SFXN5: variants seen among roughly 807,000 people sequenced by gnomAD.
SFXN5 encodes sideroflexin-5.
In SFXN5, 43 loss-of-function variants were observed where a neutral mutation model predicts 50.2. The ratio of observed to expected loss-of-function variants is 0.86; its 90% CI spans 0.67 to 1.11. The LOEUF (loss-of-function observed/expected upper bound fraction) is 1.11. Ranked by LOEUF, SFXN5 falls within the 50% of genes least tolerant of loss-of-function variation. The pLI, the probability that SFXN5 is intolerant of heterozygous loss-of-function variation, is 0.00. For synonymous variants in SFXN5, 203 were observed against 185.8 expected, an observed-to-expected ratio of 1.09 and a Z score of -0.75; for missense variants, 463 against 454.1, an observed-to-expected ratio of 1.02 and a Z score of -0.18.
chr2:72,999,739 C>G (rs369448465), intron 8 of SFXN5, among the ~76,000 whole-genome samples: 3 of 152,144 alleles, frequency 2.0e-5, no homozygotes, highest in East Asian at 1.9e-4. Flanking sequence ...CTCCTCTCCC[C>G]CAAGGTGAGC....
chr2:72,986,242 G>A (rs1056953320), intron 10 of SFXN5, among the ~76,000 whole-genome samples: 1 of 152,248 alleles, frequency 6.6e-6, no homozygotes, highest in African/African-American at 2.4e-5. Flanking sequence ...CAGGTGGCTG[G>A]TTCTCGGAAT....
chr2:73,023,093 C>T (rs937025060), intron 4 of SFXN5, 95 bp downstream of exon 4: 361 of 1,294,172 alleles, frequency 2.8e-4, no homozygotes, highest in Non-Finnish European at 3.6e-4. Context: ...CCCGAAGAGC[C>T]ACCGGAGGGG....
chr2:73,000,407 T>G, intron 8 of SFXN5, 24 bp downstream of exon 8: 1 of 1,552,756 alleles, frequency 6.4e-7, no homozygotes, highest in Non-Finnish European at 8.7e-7. Context: ...ACCCCACCAC[T>G]GGGGAGAGGG....
Position 72,950,368 on chromosome 2 carries a change from A to G in SFXN5, c.946-5269T>C, listed in dbSNP as rs996372534. Reference sequence around the variant, plus strand: ...GTCCACATTGTCCGACCCCCACCTCATGCTGATCCTGGTTCATAGCCTCTC... The same window carrying G: ...GTCCACATTGTCCGACCCCCACCTCGTGCTGATCCTGGTTCATAGCCTCTC... On this transcript the variant is annotated intron_variant, in intron 13 of 13. Coordinates refer to ENST00000272433, the MANE Select transcript of SFXN5 (RefSeq NM_144579.3). This position sits in a 1 kb window ranked among gnomAD's most constrained non-coding sequence, Gnocchi z 4.2. Among the ~76,000 whole-genome samples the G allele has an allele frequency of 9.2e-5, 14 of 152,140 alleles. No homozygotes were observed. The highest frequency in any genetic ancestry group is 1.9e-4 in the East Asian group (1 of 5,182).
intron 6 of SFXN5, 55 bp from the exon 7 acceptor site, chr2:73,001,633 T>C (rs1245430868): frequency 6.3e-7 from 1 of 1,577,818 alleles, no homozygotes; most frequent in Non-Finnish European, 8.7e-7. Context: ...TCCTATGCTT[T>C]TGCAAAGAAA....
chr2:73,013,067 A>G (rs1675736473), intron 6 of SFXN5, among the ~76,000 whole-genome samples: 1 of 152,188 alleles, frequency 6.6e-6, no homozygotes, highest in African/African-American at 2.4e-5. Flanking sequence ...AAAGCTTAAT[A>G]AAAAGCTAAC....
chr2:73,019,283 G>A (rs929413108), intron 6 of SFXN5, among the ~76,000 whole-genome samples: 23 of 152,110 alleles, frequency 1.5e-4, no homozygotes, highest in African/African-American at 5.6e-4. Context: ...TGATTGGGAA[G>A]GACACATGTG....
chr2:72,983,229 G>A (rs76443024), intron 10 of SFXN5, among the ~76,000 whole-genome samples: 3,602 of 152,284 alleles, frequency 0.024, 150 homozygotes, highest in African/African-American at 0.081. Flanking sequence ...GGGCATGGAC[G>A]TCAGGGAACA....
intron 3 of SFXN5, among the ~76,000 whole-genome samples, chr2:73,028,649 C>T (rs1677906012): frequency 1.3e-5 from 2 of 152,152 alleles, no homozygotes; most frequent in African/African-American, 4.8e-5. Context: ...TCTTGCATTT[C>T]TATTTTGTAT....
chr2:73,032,551 G>T (rs965676233), intron 3 of SFXN5, among the ~76,000 whole-genome samples: 1 of 152,208 alleles, frequency 6.6e-6, no homozygotes, highest in Admixed American at 6.5e-5. Context: ...CTGAAGTTCG[G>T]TGTAGAGTCC....
chr2:73,044,825 A>T (rs912513167), intron 2 of SFXN5, among the ~76,000 whole-genome samples: 2 of 152,166 alleles, frequency 1.3e-5, no homozygotes, highest in African/African-American at 2.4e-5. Flanking sequence ...TCTCCAGAAG[A>T]TCCCTCTGGA....
Position 72,942,244 on chromosome 2 carries a change from T to C in SFXN5, c.*2778A>G, listed in dbSNP as rs1215875885. ...TTTTCCTCCTCTAGGCTCCTGCCCT[T>C]TTCCCAGGCCAGAGGCCAGAACACC... On this transcript the variant is annotated 3_prime_UTR_variant, in exon 14 of 14. Coordinates refer to ENST00000272433, the MANE Select transcript of SFXN5 (RefSeq NM_144579.3). The C allele has an allele frequency of 6.6e-6, 1 of 152,224 alleles. No homozygotes were observed. Among genetic ancestry groups the C allele is most frequent in the Non-Finnish European group, 1.5e-5 (1 of 68,058 alleles). 9.4% of individuals were successfully genotyped at this position (152,224 alleles called of 1,614,324 possible). A position where few individuals can be genotyped will look rare whatever the true frequency, so the allele number is the denominator to read the frequency against.
At chr2:73,067,536 T>C (rs1164919430) in intron 1 of SFXN5, among the ~76,000 whole-genome samples, 1 of 152,244 alleles carries the variant, frequency 6.6e-6, no homozygotes. Context: ...TTGTTTGTTG[T>C]CTTTTGACTT....
intron 13 of SFXN5, among the ~76,000 whole-genome samples, chr2:72,946,731 TCTCCCCGTCC>T (rs1259337375): frequency 3.3e-5 from 5 of 152,040 alleles, no homozygotes; most frequent in African/African-American, 1.2e-4. Flanking sequence ...CTTTGCGTCC[TCTCCCCGTCC>T]CTCCCCACAA....
intron 1 of SFXN5, among the ~76,000 whole-genome samples, chr2:73,067,368 C>T (rs974989382): frequency 6.6e-6 from 1 of 152,062 alleles, no homozygotes; most frequent in East Asian, 1.9e-4. Context: ...GATCCTGGGA[C>T]AGAAAGGAGA....
intron 10 of SFXN5, among the ~76,000 whole-genome samples, chr2:72,977,417 G>A (rs557469160): frequency 6.6e-6 from 1 of 152,180 alleles, no homozygotes; most frequent in Non-Finnish European, 1.5e-5. Flanking sequence ...AAACATATGA[G>A]TAGGCAATTC....
intron 3 of SFXN5, among the ~76,000 whole-genome samples, chr2:73,023,865 A>C (rs1677221385): frequency 6.6e-6 from 1 of 152,230 alleles, no homozygotes; most frequent in Non-Finnish European, 1.5e-5. Flanking sequence ...TCAAATGCTG[A>C]TGAGGCTGTC....
chr2:73,040,527 T>G (rs997166329), intron 3 of SFXN5, among the ~76,000 whole-genome samples: 4 of 152,196 alleles, frequency 2.6e-5, no homozygotes, highest in African/African-American at 9.7e-5. Flanking sequence ...AATACTCCCA[T>G]CATGGCTGAT....
intron 10 of SFXN5, among the ~76,000 whole-genome samples, chr2:72,985,752 T>C (rs115068137): frequency 6.6e-5 from 10 of 152,238 alleles, no homozygotes; most frequent in Non-Finnish European, 1.2e-4. Context: ...AAGACAACAG[T>C]GGCTGCACCT....
Sources: gnomAD v4.1 joint callset for allele counts (sites outside exome capture counted in the v4.1 genomes callset) on GRCh38, gnomAD v4.1.1 for gene constraint, Gnocchi (gnomAD v3.1) non-coding constraint, MANE v1.5 for transcripts, NCBI Gene and HGNC (gene_info 2026-07-23, HGNC 2026-07-21) for gene names.